Variants in CYP2C8 observed in about 807,000 individuals in gnomAD.
The protein encoded by CYP2C8 is cytochrome P450 family 2 subfamily C member 8, also known as cytochrome P450 2C8.
Under a neutral mutation model 41.3 loss-of-function variants are expected in CYP2C8, and 51 were observed. The observed-to-expected ratio is 1.24, with a 90% CI of 0.99 to 1.56. CYP2C8 has a LOEUF of 1.56. Ranked by LOEUF, CYP2C8 falls within the 40% of genes most tolerant of loss-of-function variation. The pLI, the probability that CYP2C8 is intolerant of heterozygous loss-of-function variation, is 0.00. For missense variants in CYP2C8, 651 were observed against 579.9 expected (o/e 1.12, Z -1.26); for synonymous variants, 218 against 205.8 (o/e 1.06, Z -0.51).
In CYP2C8 at chr10:95,042,943, C is replaced by A. The variant is rs147133669; in HGVS notation, c.1096G>T (p.Val366Leu). The A allele has an allele frequency of 6.2e-7, 1 of 1,614,160 alleles. No homozygotes were observed. Among genetic ancestry groups the A allele is most frequent in the Non-Finnish European group, 8.5e-7 (1 of 1,179,996 alleles). ...QRYSDLVPTG[V>L]PHAVTTDTKF... is the part of the protein sequence containing the mutation. ...GTATCAGTGGTCACTGCATGGGGCA[C>A]ACCGGTGGGGACAAGGTCACTGTAT... The change falls in exon 7 of 9, where the codon GTG becomes TTG. Residue 366 changes from valine (V) to leucine (L), a missense_variant. Coordinates refer to ENST00000371270, the MANE Select transcript of CYP2C8 (RefSeq NM_000770.3).
At chr10:95,038,572 C>T (rs2032931676) in intron 8 of CYP2C8, among the ~76,000 whole-genome samples, 1 of 152,090 alleles carries the variant, frequency 6.6e-6, no homozygotes, top group Non-Finnish European at 1.5e-5. Context: ...TTTGTCAAGG[C>T]AGGTAAGGAA....
chr10:95,041,378 C>G (rs192939699), intron 7 of CYP2C8, among the ~76,000 whole-genome samples: 12 of 152,336 alleles, frequency 7.9e-5, no homozygotes, highest in Non-Finnish European at 1.3e-4. Context: ...GTTTGCCTCA[C>G]TGCCTTACTG....
At chr10:95,062,024 T>C (rs1409873298) in intron 4 of CYP2C8, among the ~76,000 whole-genome samples, 2 of 152,218 alleles carry the variant, frequency 1.3e-5, no homozygotes, top group South Asian at 4.1e-4. Context: ...GTAATTTCTG[T>C]TCTTTTACAT....
intron 1 of CYP2C8, 107 bp downstream of exon 1, chr10:95,069,128 C>A (rs565415289): frequency 8.5e-6 from 11 of 1,300,666 alleles, no homozygotes; most frequent in East Asian, 2.3e-5. Flanking sequence ...TTTTGCTTTA[C>A]AATGATCTAT....
chr10:95,061,201 A>G (rs1049692204), intron 4 of CYP2C8, among the ~76,000 whole-genome samples: 1 of 152,138 alleles, frequency 6.6e-6, no homozygotes, highest in Middle Eastern at 3.2e-3. Flanking sequence ...GATTGGAATA[A>G]TTTCAGAAGG....
Position 95,069,427 on chromosome 10 carries a change from C to G in CYP2C8, c.-25G>C, listed in dbSNP as rs1338788875. 6.2e-7 allele frequency: 1 copy of G among 1,607,130 alleles called. No homozygotes were observed. Among genetic ancestry groups the G allele is most frequent in the South Asian group, 1.1e-5 (1 of 90,800 alleles). ...TTGAAGCCTTCTCTTCTTATTAAGA[C>G]AGCTGTGAGCTTGCACTCCAAAGTT... On this transcript the variant is annotated 5_prime_UTR_variant, in exon 1 of 9. Transcript: ENST00000371270.
At chr10:95,046,996 T>A (rs531613074) in intron 5 of CYP2C8, among the ~76,000 whole-genome samples, 1 of 152,218 alleles carries the variant, frequency 6.6e-6, no homozygotes, top group Non-Finnish European at 1.5e-5. Context: ...AGATTTCTCA[T>A]GAGCATTATT....
At chr10:95,068,933 CACCTGTAGTCCCAGTT>C (rs1248811998) in intron 1 of CYP2C8, among the ~76,000 whole-genome samples, 1 of 152,036 alleles carries the variant, frequency 6.6e-6, no homozygotes, top group Non-Finnish European at 1.5e-5. Context: ...TGGTGGAGGG[CACCTGTAGTCCCAGTT>C]ACTCGGGGGA....
chr10:95,038,406 T>C (rs1471634211), intron 8 of CYP2C8, among the ~76,000 whole-genome samples: 1 of 152,182 alleles, frequency 6.6e-6, no homozygotes, highest in Non-Finnish European at 1.5e-5. Context: ...TCTCTCACAG[T>C]CCTGGTCTGA....
chr10:95,047,604 T>C (rs11572149), intron 5 of CYP2C8, among the ~76,000 whole-genome samples: 1,897 of 152,060 alleles, frequency 0.012, 57 homozygotes, highest in African/African-American at 0.044. Flanking sequence ...CAGGAATAAA[T>C]AGGAAAATAC....
At chr10:95,064,227 G>GTGGA (rs1418830549) in intron 4 of CYP2C8, among the ~76,000 whole-genome samples, 12 of 152,178 alleles carry the variant, frequency 7.9e-5, no homozygotes, top group African/African-American at 2.9e-4. Context: ...GCCCCGAGAA[G>GTGGA]TGGATTCTAC....
At chr10:95,062,958 A>G (rs1205270789) in intron 4 of CYP2C8, among the ~76,000 whole-genome samples, 1 of 152,172 alleles carries the variant, frequency 6.6e-6, no homozygotes, top group Non-Finnish European at 1.5e-5. Context: ...AGAATGTTGA[A>G]TATTGGCCAC....
rs557508828 is a variant in CYP2C8 at position 95,061,899 on chromosome 10, C to T, written c.642+2901G>A. On this transcript the variant is annotated intron_variant, in intron 4 of 8. Transcript: ENST00000371270. ...TTTCTGCCTTCATTTCTTTAGGTAC[C>T]CAGTAGTCATTCAGGAGCAGGTTGT... is the stretch of plus-strand genomic sequence containing the variant. Among the ~76,000 whole-genome samples the T allele has an allele frequency of 5.2e-4, 79 of 152,208 alleles. 1 individual carries two copies. The highest frequency in any genetic ancestry group is 7.8e-4 in the Admixed American group (12 of 15,296).
At position 95,067,597 on chromosome 10, in the gene CYP2C8, A is replaced by G. The variant is rs201449274; in HGVS notation, c.263T>C (p.Ile88Thr). Residue 88 changes from isoleucine (I) to threonine (T), a missense_variant, in exon 2 of 9, where the codon ATT (isoleucine) becomes ACT (threonine). By Grantham distance (89) the Ile-to-Thr change is moderately conservative. Coordinates refer to ENST00000371270, the MANE Select transcript of CYP2C8 (RefSeq NM_000770.3). ...TCCAGAAAACTCCTCTCCATTATCA[A>G]TCAGGGCTTCCTTCACTGCCTCATA... ...HGYEAVKEAL[I>T]DNGEEFSGRG... The G allele has an allele frequency of 4.7e-5, 76 of 1,614,196 alleles. 1 individual carries two copies. The Admixed American group carries it at 1.1e-3, about 24-fold the overall frequency.
intron 1 of CYP2C8, among the ~76,000 whole-genome samples, chr10:95,068,079 A>G (rs1203153175): frequency 6.6e-6 from 1 of 152,214 alleles, no homozygotes; most frequent in African/African-American, 2.4e-5. Flanking sequence ...CTGATGCTTG[A>G]GCAATTAATC....
In CYP2C8 at chr10:95,050,978, C is replaced by A. The variant is rs1425597023; in HGVS notation, c.820-5027G>T. ...ATAAAGAAAATCCAGGAAAACATGA[C>A]CTCACCACACGAACTAAATAAGGCA... On this transcript the variant is annotated intron_variant, in intron 5 of 8. Transcript: ENST00000371270. Among the ~76,000 whole-genome samples the A allele has an allele frequency of 5.3e-5, 8 of 152,210 alleles. No homozygotes were observed. The South Asian group carries it at 1.2e-3, about 24-fold the overall frequency.
At chr10:95,056,884 C>T (rs1234825576) in intron 5 of CYP2C8, among the ~76,000 whole-genome samples, 1 of 152,006 alleles carries the variant, frequency 6.6e-6, no homozygotes, top group Non-Finnish European at 1.5e-5. Flanking sequence ...TGGCTTTGCC[C>T]AGAAAAGAAT....
chr10:95,067,280 C>T lies in CYP2C8; in HGVS notation c.409G>A (p.Gly137Arg). Reference sequence around the variant, plus strand: ...ACACGGTCCTCAATGCTCCTCTTCCCCATCCCAAAATTCCGCAAGGTTGTG... The same window carrying T: ...ACACGGTCCTCAATGCTCCTCTTCCTCATCCCAAAATTCCGCAAGGTTGTG... Reference protein sequence around the residue: ...SLTTLRNFGMGKRSIEDRVQE... With the variant: ...SLTTLRNFGMRKRSIEDRVQE... The change falls in exon 3 of 9, where the codon GGG becomes AGG. Residue 137 changes from glycine to arginine, a missense_variant. Gly to Arg is a moderately radical substitution (Grantham distance 125). Transcript: ENST00000371270. The T allele has an allele frequency of 6.2e-7, 1 of 1,614,182 alleles. No homozygotes were observed. Among genetic ancestry groups the T allele is most frequent in the Non-Finnish European group, 8.5e-7 (1 of 1,180,026 alleles).
chr10:95,055,574 G>A (rs11188156), intron 5 of CYP2C8, among the ~76,000 whole-genome samples: 57,463 of 152,050 alleles, frequency 0.38, 11,242 homozygotes, highest in Middle Eastern at 0.51. Context: ...GGAAGTGGAT[G>A]CATAGATTTG....
Sources: allele counts gnomAD v4.1 joint callset (sites outside exome capture counted in the v4.1 genomes callset), GRCh38; gene constraint gnomAD v4.1.1; transcripts MANE v1.5; gene names NCBI Gene and HGNC (gene_info 2026-07-23, HGNC 2026-07-21).